Variants in UBE2R2 observed in about 807,000 individuals in gnomAD.
UBE2R2 encodes the protein ubiquitin-conjugating enzyme E2 R2.
UBE2R2 carries 1 observed loss-of-function variant against 27.8 expected under a neutral mutation model. That is an observed-to-expected ratio of 0.04 (90% CI 0.01 to 0.17). The LOEUF (loss-of-function observed/expected upper bound fraction) is 0.17, where lower values mean the gene tolerates loss of function less well. Among genes scored for constraint, UBE2R2 ranks in the 10% least tolerant of loss-of-function variants. The probability of loss-of-function intolerance (pLI) is 1.00; values close to 1 mark genes in which losing one functional copy is unlikely to be tolerated. For synonymous variants in UBE2R2, 106 were observed against 113.3 expected (o/e 0.94, Z 0.41); for missense variants, 100 against 291.0 (o/e 0.34, Z 4.78).
chr9:33,877,825 C>CTGTCTGTCTGTCTG (rs760584943), intron 1 of UBE2R2, among the ~76,000 whole-genome samples: 1 of 143,640 alleles, frequency 7.0e-6, no homozygotes, highest in African/African-American at 2.7e-5. Flanking sequence ...GTCTGTCTGT[C>CTGTCTGTCTGTCTG]TCTCTCTCTC....
Position 33,822,594 on chromosome 9 carries a change from T to TA in UBE2R2, c.177+4670dup, listed in dbSNP as rs11309054. On this transcript the variant is annotated intron_variant, in intron 1 of 4. Transcript: ENST00000263228. ...GGTGCATACCACACTCGTTTTAATT[T>TA]AAAAAAAAAATTGTTTATGCAGAAA... Among the ~76,000 whole-genome samples, 1,287 of 149,904 alleles carry TA rather than the reference T, an allele frequency of 8.6e-3. 4 individuals carry two copies. Among genetic ancestry groups the TA allele is most frequent in the Non-Finnish European group, 0.013 (868 of 67,444 alleles).
intron 1 of UBE2R2, among the ~76,000 whole-genome samples, chr9:33,824,428 A>G (rs1264537723): frequency 1.3e-5 from 2 of 152,036 alleles, no homozygotes; most frequent in Non-Finnish European, 2.9e-5. Context: ...CGAGGTCAGG[A>G]GATGGAGATC....
At chr9:33,906,106 G>A (rs1185349495) in intron 3 of UBE2R2, among the ~76,000 whole-genome samples, 1 of 139,010 alleles carries the variant, frequency 7.2e-6, no homozygotes, top group Non-Finnish European at 1.6e-5. Context: ...CGTCGTCGTC[G>A]TTGTTGCTGT....
chr9:33,916,634 C>T (rs182942226), intron 4 of UBE2R2, among the ~76,000 whole-genome samples: 5 of 152,346 alleles, frequency 3.3e-5, no homozygotes, highest in African/African-American at 1.2e-4. Context: ...CCCTGTGCTT[C>T]ACACATGCAA....
chr9:33,863,638 T>C (rs1821296038), intron 1 of UBE2R2, among the ~76,000 whole-genome samples: 1 of 152,196 alleles, frequency 6.6e-6, no homozygotes, highest in African/African-American at 2.4e-5. Context: ...TTTAAACTTA[T>C]ATTAAGGACA....
chr9:33,840,381 T>C (rs1055833577), intron 1 of UBE2R2, among the ~76,000 whole-genome samples: 1 of 152,224 alleles, frequency 6.6e-6, no homozygotes, highest in East Asian at 1.9e-4. Flanking sequence ...TTTAGTGTTA[T>C]GATGTCTTTT....
At chr9:33,896,064 C>T (rs1041581727) in intron 2 of UBE2R2, among the ~76,000 whole-genome samples, 7 of 151,988 alleles carry the variant, frequency 4.6e-5, no homozygotes, top group Non-Finnish European at 1.0e-4. Flanking sequence ...TGAGCCACCC[C>T]GCCTGGCCAG....
At chr9:33,902,713 G>C (rs10971777) in intron 3 of UBE2R2, among the ~76,000 whole-genome samples, 1 of 152,082 alleles carries the variant, frequency 6.6e-6, no homozygotes, top group Non-Finnish European at 1.5e-5. Flanking sequence ...TTGAGAATAC[G>C]CTTTCTTTTT....
chr9:33,816,250 A>G (rs1374035053), upstream of UBE2R2, among the ~76,000 whole-genome samples: 2 of 152,170 alleles, frequency 1.3e-5, no homozygotes, highest in African/African-American at 2.4e-5. Flanking sequence ...TCCTAGGAGA[A>G]AGGAGTACTG....
In UBE2R2 at chr9:33,890,533, C is replaced by T. The variant is rs2130799719; in HGVS notation, c.264+3566C>T. Among the ~76,000 whole-genome samples, 2 of 151,532 alleles carry T rather than the reference C, an allele frequency of 1.3e-5. 1 individual carries two copies. Among genetic ancestry groups the T allele is most frequent in the East Asian group, 3.9e-4 (2 of 5,136 alleles). ...CAGTGAGCTGAGATCGAGCTAAGGCCGGGCTCGGTGGCTCACGCCTGTAGT... is the reference window on the plus strand; with the variant it reads ...CAGTGAGCTGAGATCGAGCTAAGGCTGGGCTCGGTGGCTCACGCCTGTAGT... On this transcript the variant is annotated intron_variant, in intron 2 of 4. Coordinates refer to ENST00000263228, the MANE Select transcript of UBE2R2 (RefSeq NM_017811.4).
upstream of UBE2R2, among the ~76,000 whole-genome samples, chr9:33,817,018 G>C (rs1170239484): frequency 1.3e-5 from 2 of 151,892 alleles, no homozygotes; most frequent in African/African-American, 2.4e-5. Context: ...AGGAGGAGGA[G>C]GTGGTAGTGG....
intron 1 of UBE2R2, among the ~76,000 whole-genome samples, chr9:33,846,598 A>G (rs1282404005): frequency 6.6e-6 from 1 of 152,172 alleles, no homozygotes; most frequent in African/African-American, 2.4e-5. Flanking sequence ...TGGCTCTCAA[A>G]ACGTTGTCAA....
Position 33,829,329 on chromosome 9 carries a change from A to G in UBE2R2, c.177+11395A>G, listed in dbSNP as rs115665215. On this transcript the variant is annotated intron_variant, in intron 1 of 4. Coordinates refer to ENST00000263228, the MANE Select transcript of UBE2R2 (RefSeq NM_017811.4). ...AGGGGAGGGTGGGAATGGTGCCAAT[A>G]TTGAGAAAAATATAAGTCTAAGAAT... is the stretch of plus-strand genomic sequence containing the variant. Among the ~76,000 whole-genome samples, 1,203 of 152,314 alleles carry G rather than the reference A, an allele frequency of 7.9e-3. 13 individuals are homozygous for G. The highest frequency in any genetic ancestry group is 0.026 in the African/African-American group (1,100 of 41,578).
At chr9:33,851,480 C>A (rs1048112461) in intron 1 of UBE2R2, among the ~76,000 whole-genome samples, 2 of 151,936 alleles carry the variant, frequency 1.3e-5, no homozygotes, top group African/African-American at 4.8e-5. Context: ...TGTAATTGTT[C>A]CTTAGTCATG....
At chr9:33,868,874 G>A (rs1821420900) in intron 1 of UBE2R2, among the ~76,000 whole-genome samples, 1 of 152,128 alleles carries the variant, frequency 6.6e-6, no homozygotes, top group South Asian at 2.1e-4. Context: ...CTATTACCAA[G>A]TACAATTGTA....
In UBE2R2 at chr9:33,917,323, C is replaced by G; in HGVS notation, c.*86C>G. The G allele has an allele frequency of 3.2e-6, 5 of 1,567,424 alleles. No individual in the cohort carries two copies. The highest frequency in any genetic ancestry group is 4.3e-6 in the Non-Finnish European group (5 of 1,161,584). On this transcript the variant is annotated 3_prime_UTR_variant, in exon 5 of 5. Coordinates refer to ENST00000263228, the MANE Select transcript of UBE2R2 (RefSeq NM_017811.4). ...TGGGGACCTGGCCATGGCCCCTCAG[C>G]AAAAACCTATTCACAGCGGGTGGGG... is the stretch of plus-strand genomic sequence containing the variant.
chr9:33,863,546 A>T (rs144255844), intron 1 of UBE2R2, among the ~76,000 whole-genome samples: 3 of 151,990 alleles, frequency 2.0e-5, no homozygotes, highest in African/African-American at 7.2e-5. Context: ...AAAAAAGTGC[A>T]TGGTAGATTT....
At chr9:33,844,291 G>A (rs1331510825) in intron 1 of UBE2R2, among the ~76,000 whole-genome samples, 5 of 152,004 alleles carry the variant, frequency 3.3e-5, no homozygotes, top group Non-Finnish European at 4.4e-5. Context: ...TGCAACCTTC[G>A]CCTCCCGGGT....
intron 1 of UBE2R2, among the ~76,000 whole-genome samples, chr9:33,820,259 T>C (rs1335240198): frequency 6.6e-6 from 1 of 152,256 alleles, no homozygotes; most frequent in East Asian, 1.9e-4. Flanking sequence ...TGATTTAAAT[T>C]AAATGCTTCT....
Sources: gnomAD v4.1 joint callset for allele counts (sites outside exome capture counted in the v4.1 genomes callset) on GRCh38, gnomAD v4.1.1 for gene constraint, MANE v1.5 for transcripts, NCBI Gene and HGNC (gene_info 2026-07-23, HGNC 2026-07-21) for gene names.